Variants in CHST11 observed in about 807,000 individuals in gnomAD.
The protein encoded by CHST11 is C4S-1.
In CHST11, 9 loss-of-function variants were observed where a neutral mutation model predicts 30.4. The observed-to-expected ratio is 0.30, with a 90% confidence interval of 0.18 to 0.52. CHST11 has a LOEUF of 0.52. Among genes scored for constraint, CHST11 ranks in the 20% least tolerant of loss-of-function variants. The pLI, the probability that CHST11 is intolerant of heterozygous loss-of-function variation, is 0.97. For synonymous variants in CHST11, 152 were observed against 187.8 expected (o/e 0.81, Z 1.56); for missense variants, 348 against 460.6 (o/e 0.76, Z 2.24).
intron 1 of CHST11, among the ~76,000 whole-genome samples, chr12:104,599,929 T>A (rs1027513890): frequency 6.6e-6 from 1 of 152,228 alleles, no homozygotes; most frequent in Non-Finnish European, 1.5e-5. Flanking sequence ...TGTTCATCAG[T>A]GAAGTTTTGT....
intron 2 of CHST11, among the ~76,000 whole-genome samples, chr12:104,738,540 T>G (rs971086908): frequency 1.3e-5 from 2 of 152,198 alleles, no homozygotes; most frequent in African/African-American, 4.8e-5. Flanking sequence ...CTTCCTGACT[T>G]CATCCTCACA....
At chr12:104,576,144 T>C (rs1299660874) in intron 1 of CHST11, among the ~76,000 whole-genome samples, 2 of 152,128 alleles carry the variant, frequency 1.3e-5, no homozygotes, top group African/African-American at 4.8e-5. Context: ...GTATTCACTG[T>C]GCTTCTCAGT....
chr12:104,460,536 C>T (rs899602247), intron 1 of CHST11, among the ~76,000 whole-genome samples: 3 of 151,902 alleles, frequency 2.0e-5, no homozygotes, highest in African/African-American at 4.8e-5. Context: ...TGGTGGCACA[C>T]GCCTGTAATC....
intron 2 of CHST11, among the ~76,000 whole-genome samples, chr12:104,618,018 C>T (rs1277765126): frequency 2.6e-5 from 4 of 151,532 alleles, no homozygotes; most frequent in Middle Eastern, 3.4e-3. Context: ...AAGTGATTCT[C>T]CTGCCTCAGC....
chr12:104,709,579 C>T (rs2040067457), intron 2 of CHST11, among the ~76,000 whole-genome samples: 1 of 152,192 alleles, frequency 6.6e-6, no homozygotes, highest in Non-Finnish European at 1.5e-5. Flanking sequence ...TCCTTTGAGG[C>T]AGGTGCTACT....
intron 2 of CHST11, among the ~76,000 whole-genome samples, chr12:104,618,853 A>T (rs945480990): frequency 1.3e-5 from 2 of 152,178 alleles, no homozygotes; most frequent in African/African-American, 4.8e-5. Flanking sequence ...TTTATTGCTC[A>T]TGGGACCAGG....
intron 1 of CHST11, among the ~76,000 whole-genome samples, chr12:104,479,779 A>G (rs2037601512): frequency 6.6e-6 from 1 of 152,206 alleles, no homozygotes. Flanking sequence ...TGTTGCTAGA[A>G]GACAAATGTG....
intron 2 of CHST11, among the ~76,000 whole-genome samples, chr12:104,657,829 G>A (rs1162137971): frequency 1.3e-5 from 2 of 152,160 alleles, no homozygotes; most frequent in Non-Finnish European, 2.9e-5. Flanking sequence ...GGAACATAGG[G>A]AGAACCTTGC....
At chr12:104,750,398 T>C (rs1426013557) in intron 2 of CHST11, among the ~76,000 whole-genome samples, 1 of 149,230 alleles carries the variant, frequency 6.7e-6, no homozygotes, top group Admixed American at 6.8e-5. Flanking sequence ...TTTGAACTTG[T>C]AGTTGTGTAC....
intron 2 of CHST11, among the ~76,000 whole-genome samples, chr12:104,643,290 T>C (rs943455353): frequency 2.0e-5 from 3 of 152,370 alleles, no homozygotes; most frequent in African/African-American, 7.2e-5. Flanking sequence ...ATTGTGCCAC[T>C]GTGTTCCAGC....
At chr12:104,593,757 G>T (rs992772324) in intron 1 of CHST11, among the ~76,000 whole-genome samples, 3 of 152,190 alleles carry the variant, frequency 2.0e-5, no homozygotes, top group African/African-American at 7.2e-5. Flanking sequence ...TAAAATGGGT[G>T]TGATACGACC....
At chr12:104,609,541 G>GGGGA (rs1292574205) in intron 2 of CHST11, among the ~76,000 whole-genome samples, 15 of 152,220 alleles carry the variant, frequency 9.9e-5, no homozygotes, top group African/African-American at 3.6e-4. Context: ...AGTCAAGCCA[G>GGGGA]GGGACATGAC....
chr12:104,463,421 C>A (rs1283739536), intron 1 of CHST11, among the ~76,000 whole-genome samples: 1 of 152,154 alleles, frequency 6.6e-6, no homozygotes, highest in African/African-American at 2.4e-5. Context: ...CATCTTAGAT[C>A]CAATGTGAGT....
intron 2 of CHST11, among the ~76,000 whole-genome samples, chr12:104,735,120 C>G (rs2040290382): frequency 6.6e-6 from 1 of 152,172 alleles, no homozygotes; most frequent in Non-Finnish European, 1.5e-5. Context: ...TATGGGTAAA[C>G]AGACAGTTAC....
chr12:104,726,165 T>C (rs2040214967), intron 2 of CHST11, among the ~76,000 whole-genome samples: 1 of 152,230 alleles, frequency 6.6e-6, no homozygotes, highest in Non-Finnish European at 1.5e-5. Flanking sequence ...TCTAAGTGTC[T>C]CATCTAGAAT....
intron 2 of CHST11, among the ~76,000 whole-genome samples, chr12:104,604,322 C>G (rs1001849145): frequency 3.3e-5 from 5 of 152,184 alleles, no homozygotes; most frequent in African/African-American, 1.2e-4. Flanking sequence ...CATCCTCCCT[C>G]AAGGACGTCT....
At chr12:104,519,655 G>A (rs968022607) in intron 1 of CHST11, among the ~76,000 whole-genome samples, 1 of 152,156 alleles carries the variant, frequency 6.6e-6, no homozygotes, top group Non-Finnish European at 1.5e-5. Context: ...CCAGGGAGCC[G>A]GTTATTATGG....
At chr12:104,637,144 A>G (rs1348093912) in intron 2 of CHST11, among the ~76,000 whole-genome samples, 2 of 151,464 alleles carry the variant, frequency 1.3e-5, no homozygotes, top group African/African-American at 4.9e-5. Flanking sequence ...GTCTACTAAA[A>G]ATACAAAAAA....
chr12:104,579,670 C>T (rs1233645078), intron 1 of CHST11, among the ~76,000 whole-genome samples: 1 of 152,192 alleles, frequency 6.6e-6, no homozygotes, highest in Non-Finnish European at 1.5e-5. Context: ...CCCCTCTCCC[C>T]GGGGTGTATT....
Sources: allele counts gnomAD v4.1 joint callset (sites outside exome capture counted in the v4.1 genomes callset), GRCh38; gene constraint gnomAD v4.1.1; transcripts MANE v1.5; gene names NCBI Gene and HGNC (gene_info 2026-07-23, HGNC 2026-07-21).